RIMS3: variants seen among roughly 807,000 people sequenced by gnomAD.
RIMS3 encodes regulating synaptic membrane exocytosis protein 3.
Under a neutral mutation model 29.2 loss-of-function variants are expected in RIMS3, and 15 were observed. That is an observed-to-expected ratio of 0.51 (90% CI 0.34 to 0.79). RIMS3 has a LOEUF of 0.79. RIMS3 is among the 30% of genes least tolerant of loss of function. The pLI is 0.01. For missense variants in RIMS3, 342 were observed against 421.4 expected, an observed-to-expected ratio of 0.81 and a Z score of 1.65; for synonymous variants, 161 against 170.1, an observed-to-expected ratio of 0.95 and a Z score of 0.41.
the RIMS3 span, among the ~76,000 whole-genome samples, chr1:40,687,995 C>G: frequency 6.6e-6 from 1 of 152,144 alleles, no homozygotes; most frequent in Non-Finnish European, 1.5e-5. Context: ...GACAGAGTCT[C>G]GCTCTGTCAC....
chr1:40,658,998 G>T (rs936613646), intron 1 of RIMS3, among the ~76,000 whole-genome samples: 1 of 152,206 alleles, frequency 6.6e-6, no homozygotes, highest in African/African-American at 2.4e-5. Flanking sequence ...CGTCGGAGAA[G>T]CCCAGTGCAG....
At chr1:40,642,221 C>T (rs914462714) in intron 2 of RIMS3, among the ~76,000 whole-genome samples, 7 of 152,198 alleles carry the variant, frequency 4.6e-5, no homozygotes, top group African/African-American at 1.7e-4. Flanking sequence ...ATGGCCCGGG[C>T]TTGAATTCCA....
intron 1 of RIMS3, among the ~76,000 whole-genome samples, chr1:40,656,457 AAGGG>A (rs1472816775): frequency 6.6e-6 from 1 of 152,170 alleles, no homozygotes; most frequent in Non-Finnish European, 1.5e-5. Context: ...CTCTGTTAAA[AAGGG>A]AGGGCAACCA....
At chr1:40,669,716 C>T (rs1486125938), upstream of RIMS3, 1 of 152,150 alleles carries the variant, frequency 6.6e-6, no homozygotes, top group Non-Finnish European at 1.5e-5. Flanking sequence ...GGGTAGACCA[C>T]AGATGGGGCT....
At chr1:40,628,664 C>T in intron 7 of RIMS3, 146 bp downstream of exon 7, 4 of 1,130,918 alleles carry the variant, frequency 3.5e-6, no homozygotes, top group Non-Finnish European at 5.3e-6. Flanking sequence ...ACAGTAATAC[C>T]TCACAGGGTT....
At chr1:40,657,033 C>A (rs976149894) in intron 1 of RIMS3, among the ~76,000 whole-genome samples, 2 of 152,206 alleles carry the variant, frequency 1.3e-5, no homozygotes, top group African/African-American at 4.8e-5. Flanking sequence ...CTGGTAATAA[C>A]AATCTTTTAG....
Position 40,624,341 on chromosome 1 carries a change from A to C in RIMS3, c.*2176T>G, listed in dbSNP as rs1433401297. ...CTGACAGTGACTGCTCTAGAGGTGA[A>C]TATATCATAAACAGGAGATTAAAAT... On this transcript the variant is annotated 3_prime_UTR_variant, in exon 8 of 8. Transcript: ENST00000372684. 4 of 152,252 alleles carry C rather than the reference A, an allele frequency of 2.6e-5. No individual in the cohort carries two copies. The East Asian group carries it at 7.7e-4, about 29-fold the overall frequency. 9.4% of individuals were successfully genotyped at this position (152,252 alleles called of 1,614,324 possible).
chr1:40,626,314 A>T lies in RIMS3; in HGVS notation c.*203T>A, dbSNP rs894097925. ...ATACCCAGACAAATGAACAGATAGAACGTGGTCACGTACACACACACACAC... is the reference window on the plus strand; with the variant it reads ...ATACCCAGACAAATGAACAGATAGATCGTGGTCACGTACACACACACACAC... On this transcript the variant is annotated 3_prime_UTR_variant, in exon 8 of 8. Coordinates refer to ENST00000372684, the MANE Select transcript of RIMS3 (RefSeq NM_014747.3). 1.6e-5 allele frequency: 10 copies of T among 621,660 alleles called. No homozygotes were observed. Among genetic ancestry groups the T allele is most frequent in the Non-Finnish European group, 5.8e-6 (2 of 344,476 alleles). 38.5% of individuals were successfully genotyped at this position (621,660 alleles called of 1,614,324 possible).
chr1:40,664,006 C>A (rs1642388445), intron 1 of RIMS3, among the ~76,000 whole-genome samples: 1 of 152,196 alleles, frequency 6.6e-6, no homozygotes, highest in Admixed American at 6.5e-5. Context: ...TCCTCAATAT[C>A]ACACAGCCAG....
chr1:40,626,782 G>A, intron 7 of RIMS3, 53 bp from the exon 8 acceptor site: 1 of 1,550,736 alleles, frequency 6.4e-7, no homozygotes, highest in East Asian at 2.2e-5. Context: ...CTCCAGGACT[G>A]TGCAGCAGGC....
intron 4 of RIMS3, among the ~76,000 whole-genome samples, chr1:40,634,417 T>C (rs1270556231): frequency 1.3e-5 from 2 of 152,062 alleles, no homozygotes; most frequent in Non-Finnish European, 2.9e-5. Context: ...TCTGAGAAGG[T>C]TAAATAAAGA....
the RIMS3 span, chr1:40,690,876 C>T: frequency 6.6e-6 from 1 of 152,254 alleles, no homozygotes; most frequent in Non-Finnish European, 1.5e-5. Flanking sequence ...CTAACTCTCA[C>T]TGTAGGTAAT....
chr1:40,657,696 G>A (rs1322559875), intron 1 of RIMS3, among the ~76,000 whole-genome samples: 4 of 147,842 alleles, frequency 2.7e-5, no homozygotes, highest in African/African-American at 7.5e-5. Flanking sequence ...GCAGTGAGCC[G>A]TGACCCAGCC....
the RIMS3 span, chr1:40,690,984 C>T: frequency 1.3e-5 from 2 of 152,204 alleles, no homozygotes; most frequent in Non-Finnish European, 2.9e-5. Flanking sequence ...GATCAAGTTA[C>T]TTAACCTTTT....
Position 40,647,713 on chromosome 1 carries a change from C to G in RIMS3, c.-77G>C, listed in dbSNP as rs1441396093. 6.6e-6 allele frequency: 1 copy of G among 152,198 alleles called. No homozygotes were observed. The highest frequency in any genetic ancestry group is 2.4e-5 in the African/African-American group (1 of 41,426). The allele number at this position is 152,198 out of a possible 1,614,324, so 9.4% of individuals were successfully genotyped here. ...TGGTGTTCCGCATCACAGGGGGCTG[C>G]CTCCCAACAGCACACCCCTAGGGCA... On this transcript the variant is annotated 5_prime_UTR_variant, in exon 2 of 8. Transcript: ENST00000372684.
upstream of RIMS3, among the ~76,000 whole-genome samples, chr1:40,670,069 G>T (rs776263988): frequency 7.2e-5 from 11 of 152,006 alleles, no homozygotes; most frequent in Non-Finnish European, 1.5e-4. Flanking sequence ...TTGGTGACTT[G>T]GTCTCACCAC....
chr1:40,632,415 AATTTATATATATAT>A (rs1557666976), intron 5 of RIMS3, among the ~76,000 whole-genome samples: 2 of 81,166 alleles, frequency 2.5e-5, no homozygotes, highest in Non-Finnish European at 5.0e-5. Flanking sequence ...AATACATATA[AATTTATATATATAT>A]ATATATATAT....
the RIMS3 span, among the ~76,000 whole-genome samples, chr1:40,688,122 G>A: frequency 6.6e-6 from 1 of 152,046 alleles, no homozygotes; most frequent in Non-Finnish European, 1.5e-5. Context: ...GTGCCACCAT[G>A]CCCGGCTAAT....
At chr1:40,666,957 G>A (rs776961797), upstream of RIMS3, among the ~76,000 whole-genome samples, 13 of 152,142 alleles carry the variant, frequency 8.5e-5, no homozygotes, top group Admixed American at 2.0e-4. Context: ...CCCAGGAGGC[G>A]GAGGTTGCAG....
Sources: allele counts gnomAD v4.1 joint callset (sites outside exome capture counted in the v4.1 genomes callset), GRCh38; gene constraint gnomAD v4.1.1; transcripts MANE v1.5; gene names NCBI Gene and HGNC (gene_info 2026-07-23, HGNC 2026-07-21).